The following DPYSL5 variants were observed in gnomAD, a reference collection of about 807,000 sequenced individuals.
DPYSL5 encodes the protein dihydropyrimidinase like 5, also known as dihydropyrimidinase-related protein 5.
In DPYSL5, 9 loss-of-function variants were observed where a neutral mutation model predicts 58.4. The observed-to-expected ratio is 0.15, with a 90% CI of 0.09 to 0.27. The LOEUF is 0.27. DPYSL5 is among the 10% of genes least tolerant of loss of function. DPYSL5 has a pLI of 1.00. For synonymous variants in DPYSL5, 293 were observed against 301.9 expected, an observed-to-expected ratio of 0.97 and a Z score of 0.31; for missense variants, 499 against 770.6, an observed-to-expected ratio of 0.65 and a Z score of 4.17.
At chr2:26,926,047 T>A (rs1246785731) in intron 3 of DPYSL5, among the ~76,000 whole-genome samples, 2 of 152,226 alleles carry the variant, frequency 1.3e-5, no homozygotes, top group Admixed American at 6.5e-5. Context: ...AACTCTGTTC[T>A]TAATCATAAA....
intron 2 of DPYSL5, among the ~76,000 whole-genome samples, chr2:26,902,135 C>T: frequency 6.6e-6 from 1 of 152,132 alleles, no homozygotes; most frequent in Non-Finnish European, 1.5e-5. Flanking sequence ...ATACAGACCT[C>T]ATTCCAAAAA....
chr2:26,896,764 T>A (rs1385135859), intron 1 of DPYSL5, among the ~76,000 whole-genome samples: 3 of 152,254 alleles, frequency 2.0e-5, no homozygotes, highest in Non-Finnish European at 2.9e-5. Flanking sequence ...ATTCCTTATT[T>A]ATTTTGGATA....
intron 9 of DPYSL5, among the ~76,000 whole-genome samples, chr2:26,940,941 A>ATTT (rs548438479): frequency 9.1e-5 from 13 of 142,324 alleles, no homozygotes; most frequent in Admixed American, 2.1e-4. Context: ...ATTATTATTT[A>ATTT]TTTTTTTTTG....
rs1188682821 is a variant in DPYSL5, at chr2:26,896,605, T to C, written c.-4-1891T>C. Among the ~76,000 whole-genome samples the C allele has an allele frequency of 2.6e-5, 4 of 152,236 alleles. No individual in the cohort carries two copies. The East Asian group carries it at 7.7e-4, about 29-fold the overall frequency. On this transcript the variant is annotated intron_variant, in intron 1 of 12. Transcript: ENST00000288699. Reference sequence around the variant, plus strand: ...CAGGTGTGTGGTGATAATCTCATTGTGGTTTTAACTTGTACTTTTCTGATG... The same window carrying C: ...CAGGTGTGTGGTGATAATCTCATTGCGGTTTTAACTTGTACTTTTCTGATG...
At position 26,944,871 on chromosome 2, in the gene DPYSL5, T is replaced by C. The variant is rs757131288; in HGVS notation, c.1609+47T>C. On this transcript the variant is annotated intron_variant, in intron 12 of 12. Transcript: ENST00000288699. The surrounding 1 kb of genome is among the most constrained non-coding windows in gnomAD (Gnocchi z 4.4). ...GAGGAGGATGGGGGTCTGGGAGAAG[T>C]GGCCCACCTAGGCAGTGGGACTTAC... is the stretch of plus-strand genomic sequence containing the variant. 1 of 1,589,454 alleles carries C rather than the reference T, an allele frequency of 6.3e-7. No individual in the cohort carries two copies. The highest frequency in any genetic ancestry group is 8.6e-7 in the Non-Finnish European group (1 of 1,162,592).
At position 26,928,735 on chromosome 2, in the gene DPYSL5, ACACACG is replaced by A. The variant is rs1327304031; in HGVS notation, c.669+418_669+423del. ...CACACACATACATATATATACGCAC[ACACACG>A]CACACACATACGTGTGTGCGTGTGT... is the stretch of plus-strand genomic sequence containing the variant. On this transcript the variant is annotated intron_variant, in intron 5 of 12. Transcript: ENST00000288699. Among the ~76,000 whole-genome samples the A allele has an allele frequency of 5.7e-5, 5 of 87,796 alleles. No individual in the cohort carries two copies. In the East Asian group the frequency reaches 1.3e-3, roughly 22 times the overall value. The allele number at this position is 87,796 out of a possible 152,430, so 57.6% of individuals were successfully genotyped here.
chr2:26,904,775 C>T lies in DPYSL5; in HGVS notation c.261+6015C>T, dbSNP rs750351139. ...AAAATTAGCCAGGCGTGGTGGTGTA[C>T]GCTTGTAGTCCCAGCTACTCAGTAG... On this transcript the variant is annotated intron_variant, in intron 2 of 12. Transcript: ENST00000288699. Among the ~76,000 whole-genome samples the T allele has an allele frequency of 8.5e-5, 13 of 152,126 alleles. 1 individual carries two copies. The highest frequency in any genetic ancestry group is 1.7e-4 in the African/African-American group (7 of 41,406).
At chr2:26,867,548 C>G (rs1226909860) in intron 1 of DPYSL5, among the ~76,000 whole-genome samples, 1 of 150,688 alleles carries the variant, frequency 6.6e-6, no homozygotes, top group East Asian at 1.9e-4. Flanking sequence ...CTCCGCCTCC[C>G]GGGTTCACGC....
chr2:26,882,844 C>T (rs1276491040), intron 1 of DPYSL5, among the ~76,000 whole-genome samples: 1 of 147,576 alleles, frequency 6.8e-6, no homozygotes, highest in Non-Finnish European at 1.5e-5. Flanking sequence ...ACCCAGGAGG[C>T]AGAGGTTGCA....
intron 8 of DPYSL5, chr2:26,939,271 G>A (rs544965046): frequency 1.3e-5 from 2 of 152,302 alleles, no homozygotes; most frequent in African/African-American, 2.4e-5. Context: ...CAGAGTAGCT[G>A]GGATTACAGG....
At chr2:26,914,151 TAC>T (rs1664507186) in intron 2 of DPYSL5, among the ~76,000 whole-genome samples, 1 of 152,112 alleles carries the variant, frequency 6.6e-6, no homozygotes, top group Non-Finnish European at 1.5e-5. Flanking sequence ...GGAGTAAAAA[TAC>T]CTGGATCGCA....
intron 1 of DPYSL5, among the ~76,000 whole-genome samples, chr2:26,862,688 C>A (rs1666044866): frequency 6.6e-6 from 1 of 152,182 alleles, no homozygotes; most frequent in South Asian, 2.1e-4. Flanking sequence ...CGCTGTGTGC[C>A]TGACTGTGAC....
At chr2:26,914,601 T>A (rs1316972197) in intron 2 of DPYSL5, among the ~76,000 whole-genome samples, 1 of 152,160 alleles carries the variant, frequency 6.6e-6, no homozygotes, top group Non-Finnish European at 1.5e-5. Flanking sequence ...TTGATGAGGC[T>A]GAAGGGAGGA....
Position 26,898,981 on chromosome 2 carries a change from A to G in DPYSL5, c.261+221A>G, listed in dbSNP as rs1259747099. ...GGAGGCGTTTAGGCTGGTTTTGCTAATCAGATCATTTACCCAAGTACCCAG... is the reference window on the plus strand; with the variant it reads ...GGAGGCGTTTAGGCTGGTTTTGCTAGTCAGATCATTTACCCAAGTACCCAG... On this transcript the variant is annotated intron_variant, in intron 2 of 12. Transcript: ENST00000288699. The surrounding 1 kb of genome is among the most constrained non-coding windows in gnomAD (Gnocchi z 6.1). Among the ~76,000 whole-genome samples, 1 of 152,204 alleles carries G rather than the reference A, an allele frequency of 6.6e-6. No homozygotes were observed. Among genetic ancestry groups the G allele is most frequent in the African/African-American group, 2.4e-5 (1 of 41,456 alleles).
rs137917022 is a variant in DPYSL5 at position 26,851,149 on chromosome 2, C to T, written c.-5+2895C>T. On this transcript the variant is annotated intron_variant, in intron 1 of 12. Coordinates refer to ENST00000288699, the MANE Select transcript of DPYSL5 (RefSeq NM_020134.4). ...CTTGTAAGAGAGCTCCAATGGGAAA[C>T]ATGTTTTCATATTATTACCCAAAGG... Among the ~76,000 whole-genome samples the T allele has an allele frequency of 1.7e-4, 26 of 152,194 alleles. No homozygotes were observed. The East Asian group carries it at 4.4e-3, about 26-fold the overall frequency.
intron 1 of DPYSL5, among the ~76,000 whole-genome samples, chr2:26,872,990 G>A (rs1339840827): frequency 1.3e-5 from 2 of 152,192 alleles, no homozygotes; most frequent in Admixed American, 6.5e-5. Context: ...TCTTTTTAAT[G>A]TTTCCTGGTG....
chr2:26,887,847 G>T (rs550037563), intron 1 of DPYSL5, among the ~76,000 whole-genome samples: 1 of 152,034 alleles, frequency 6.6e-6, no homozygotes, highest in Admixed American at 6.5e-5. Flanking sequence ...TCACCTTAAC[G>T]CGAACCCATG....
intron 2 of DPYSL5, among the ~76,000 whole-genome samples, chr2:26,908,197 A>G (rs1416543893): frequency 6.6e-6 from 1 of 152,246 alleles, no homozygotes; most frequent in African/African-American, 2.4e-5. Context: ...TTAAAAATCC[A>G]TTTGTACGAG....
chr2:26,941,862 A>G, intron 9 of DPYSL5, 88 bp from the exon 10 acceptor site: 1 of 1,568,018 alleles, frequency 6.4e-7, no homozygotes, highest in Non-Finnish European at 8.7e-7. Context: ...CCTAAGCCCT[A>G]AGTCCATGGG....
Sources: allele counts gnomAD v4.1 joint callset (sites outside exome capture counted in the v4.1 genomes callset), GRCh38; gene constraint gnomAD v4.1.1; non-coding constraint Gnocchi (gnomAD v3.1); transcripts MANE v1.5; gene names NCBI Gene and HGNC (gene_info 2026-07-23, HGNC 2026-07-21).